ADAMTSL1: variants seen among roughly 807,000 people sequenced by gnomAD.
ADAMTSL1 encodes ADAMTS-like protein 1.
A neutral mutation model predicts 201.8 loss-of-function variants in ADAMTSL1; 126 were observed. The observed-to-expected ratio is 0.62, with a 90% CI of 0.54 to 0.72. The LOEUF (loss-of-function observed/expected upper bound fraction) is 0.72. Among genes scored for constraint, ADAMTSL1 ranks in the 30% least tolerant of loss-of-function variants. The probability of loss-of-function intolerance (pLI) is 0.00; values close to 1 mark genes in which losing one functional copy is unlikely to be tolerated. For synonymous variants in ADAMTSL1, 1,121 were observed against 903.4 expected, an observed-to-expected ratio of 1.24 and a Z score of -4.32; for missense variants, 2,679 against 2,277.8, an observed-to-expected ratio of 1.18 and a Z score of -3.59.
Position 18,905,883 on chromosome 9 carries a change from T to C in ADAMTSL1, c.4953T>C (p.Ala1651=), listed in dbSNP as rs1413438994. 1 of 1,608,964 alleles carries C rather than the reference T, an allele frequency of 6.2e-7. No homozygotes were observed. The highest frequency in any genetic ancestry group is 1.3e-5 in the African/African-American group (1 of 74,844). ...CCTTACCATCAGAGCAGTGCAGTGC[T>C]CTTCCGAGGTAAGAGAAAGCCCTGA... is the stretch of plus-strand genomic sequence containing the variant. ...GITLPSEQCS[A]LPRPVSTQNC... The change falls in exon 27 of 29, where the codon GCT becomes GCC. Residue 1651 remains alanine (A), a synonymous_variant. Coordinates refer to ENST00000380548, the MANE Select transcript of ADAMTSL1 (RefSeq NM_001040272.6).
intron 2 of ADAMTSL1, among the ~76,000 whole-genome samples, chr9:18,227,060 C>T (rs1255160227): frequency 1.3e-5 from 2 of 152,062 alleles, no homozygotes; most frequent in Non-Finnish European, 2.9e-5. Flanking sequence ...TTCTTATTTT[C>T]ATTACTGTTA....
intron 3 of ADAMTSL1, among the ~76,000 whole-genome samples, chr9:18,564,707 A>T (rs879608752): frequency 4.7e-4 from 72 of 152,220 alleles, no homozygotes; most frequent in Non-Finnish European, 4.0e-4. Context: ...ACTCCTTCAG[A>T]TATGCTAATT....
At chr9:18,684,828 A>C (rs771301069) in intron 13 of ADAMTSL1, 28 bp downstream of exon 13, 6 of 1,588,668 alleles carry the variant, frequency 3.8e-6, no homozygotes, top group Non-Finnish European at 5.1e-6. Flanking sequence ...AGACTGTTCT[A>C]TATTTGAAAC....
intron 23 of ADAMTSL1, among the ~76,000 whole-genome samples, chr9:18,838,882 T>TA (rs1445359785): frequency 2.3e-4 from 33 of 143,136 alleles, no homozygotes; most frequent in Admixed American, 8.9e-4. Flanking sequence ...CTCTTTTTTT[T>TA]AAAAAAAAAA....
At chr9:17,939,672 A>G (rs1411283119) in intron 1 of ADAMTSL1, among the ~76,000 whole-genome samples, 1 of 151,972 alleles carries the variant, frequency 6.6e-6, no homozygotes, top group Non-Finnish European at 1.5e-5. Flanking sequence ...GTTCTGCCTC[A>G]TTCATTCATT....
At chr9:18,890,677 AC>A in intron 25 of ADAMTSL1, 1 of 449,438 alleles carries the variant, frequency 2.2e-6, no homozygotes, top group South Asian at 1.6e-5. Context: ...GTCCTTTTAT[AC>A]CCTTCCTGAA....
intron 16 of ADAMTSL1, among the ~76,000 whole-genome samples, chr9:18,765,404 C>T (rs956467467): frequency 3.3e-5 from 5 of 150,434 alleles, no homozygotes; most frequent in African/African-American, 7.3e-5. Flanking sequence ...GGCTTGATGT[C>T]GTTTTGAGGT....
chr9:18,267,366 G>A (rs1314270492), intron 2 of ADAMTSL1, among the ~76,000 whole-genome samples: 1 of 152,124 alleles, frequency 6.6e-6, no homozygotes, highest in Admixed American at 6.6e-5. Context: ...ACAGGTGAGA[G>A]AGCTGGTAAA....
intron 2 of ADAMTSL1, among the ~76,000 whole-genome samples, chr9:18,217,086 G>A (rs915222284): frequency 2.0e-5 from 3 of 152,110 alleles, no homozygotes; most frequent in African/African-American, 4.8e-5. Flanking sequence ...CTCTAGGGAA[G>A]GGGCATTTAA....
intron 5 of ADAMTSL1, among the ~76,000 whole-genome samples, chr9:18,634,166 AT>A (rs1398693505): frequency 6.6e-6 from 1 of 152,186 alleles, no homozygotes; most frequent in African/African-American, 2.4e-5. Flanking sequence ...TAAAGATAGG[AT>A]GATAATATTA....
chr9:18,173,212 A>C (rs1490161928), intron 2 of ADAMTSL1, among the ~76,000 whole-genome samples: 2 of 152,198 alleles, frequency 1.3e-5, no homozygotes, highest in Non-Finnish European at 2.9e-5. Flanking sequence ...AATAGAACAA[A>C]ATAAATGGTA....
At chr9:18,027,064 C>A (rs1447206072) in intron 1 of ADAMTSL1, among the ~76,000 whole-genome samples, 1 of 149,620 alleles carries the variant, frequency 6.7e-6, no homozygotes, top group African/African-American at 2.5e-5. Flanking sequence ...ATCACCTTTG[C>A]CATTTCTGAT....
intron 9 of ADAMTSL1, among the ~76,000 whole-genome samples, chr9:18,669,755 G>A (rs535911009): frequency 4.9e-4 from 74 of 152,118 alleles, no homozygotes; most frequent in Non-Finnish European, 9.3e-4. Context: ...GGAAGGGGCA[G>A]GTAAGATAGA....
intron 2 of ADAMTSL1, among the ~76,000 whole-genome samples, chr9:18,414,005 A>G (rs1818563561): frequency 6.6e-6 from 1 of 152,238 alleles, no homozygotes; most frequent in African/African-American, 2.4e-5. Flanking sequence ...ACAGTGAGTG[A>G]CAAAAGAGCA....
chr9:18,091,817 C>A (rs768973568), intron 1 of ADAMTSL1, among the ~76,000 whole-genome samples: 2 of 151,750 alleles, frequency 1.3e-5, no homozygotes, highest in Non-Finnish European at 2.9e-5. Context: ...AGAGTCCTTG[C>A]GCCTAAAATG....
intron 1 of ADAMTSL1, among the ~76,000 whole-genome samples, chr9:18,043,810 T>G (rs560437919): frequency 2.0e-5 from 3 of 152,086 alleles, no homozygotes; most frequent in Admixed American, 6.6e-5. Flanking sequence ...GAATTATACG[T>G]AGGTACAATG....
At chr9:17,915,474 A>G (rs537102330) in intron 1 of ADAMTSL1, among the ~76,000 whole-genome samples, 24 of 152,344 alleles carry the variant, frequency 1.6e-4, no homozygotes, top group African/African-American at 5.5e-4. Context: ...CTATTGATGG[A>G]CAGTGTGTCT....
At chr9:18,745,292 T>G (rs762586748) in intron 15 of ADAMTSL1, among the ~76,000 whole-genome samples, 1 of 152,328 alleles carries the variant, frequency 6.6e-6, no homozygotes, top group Non-Finnish European at 1.5e-5. Flanking sequence ...TCTAAGGTAG[T>G]TTTCTCTTCT....
chr9:18,856,460 A>ATTTTTT (rs398010404), intron 23 of ADAMTSL1, among the ~76,000 whole-genome samples: 1,352 of 111,926 alleles, frequency 0.012, 47 homozygotes, highest in Admixed American at 0.015. Context: ...GATAAGAAGG[A>ATTTTTT]TTTTTTTTTT....
Sources: allele counts gnomAD v4.1 joint callset (sites outside exome capture counted in the v4.1 genomes callset), GRCh38; gene constraint gnomAD v4.1.1; transcripts MANE v1.5; gene names NCBI Gene and HGNC (gene_info 2026-07-23, HGNC 2026-07-21).